Variants in ADGRV1 observed in about 807,000 individuals in gnomAD.
The protein encoded by ADGRV1 is G-protein coupled receptor 98.
ADGRV1 carries 359 observed loss-of-function variants against 596.2 expected under a neutral mutation model. The observed-to-expected ratio is 0.60, with a 90% CI of 0.55 to 0.66. The LOEUF is 0.66. Among genes scored for constraint, ADGRV1 ranks in the 30% least tolerant of loss-of-function variants. The pLI is 0.00. For missense variants in ADGRV1, 7,274 were observed against 7,575.6 expected, an observed-to-expected ratio of 0.96 and a Z score of 1.48; for synonymous variants, 2,681 against 2,679.2, an observed-to-expected ratio of 1.00 and a Z score of -0.02.
rs1480256527 is a variant in ADGRV1, at chr5:90,596,122, C to T, written c.23-18713C>T. 7.4e-5 allele frequency among the ~76,000 whole-genome samples: 11 copies of T among 149,282 alleles called. No homozygotes were observed. In the East Asian group the frequency reaches 8.0e-4, roughly 11 times the overall value. On this transcript the variant is annotated intron_variant, in intron 1 of 89. Transcript: ENST00000405460. ...CTCAACTCCCAGATGGGGTGGCGGC[C>T]GGGCAGAGGCGCTCCTCACATCCCA...
chr5:90,629,555 A>T lies in ADGRV1; in HGVS notation c.1839+16A>T. 1 of 1,542,848 alleles carries T rather than the reference A, an allele frequency of 6.5e-7. No individual in the cohort carries two copies. The highest frequency in any genetic ancestry group is 8.8e-7 in the Non-Finnish European group (1 of 1,132,888). On this transcript the variant is annotated intron_variant, in intron 9 of 89. Coordinates refer to ENST00000405460, the MANE Select transcript of ADGRV1 (RefSeq NM_032119.4). ...TCTAGTACAGGTACTTGTATGATTA[A>T]AATAATCGTAATTTTGGTTAACCTT... is the stretch of plus-strand genomic sequence containing the variant.
At chr5:90,754,092 CTG>C (rs1417318295) in intron 54 of ADGRV1, among the ~76,000 whole-genome samples, 4 of 152,016 alleles carry the variant, frequency 2.6e-5, no homozygotes, top group African/African-American at 7.2e-5. Context: ...GTAGAGGTGA[CTG>C]TTTTTTATTT....
In ADGRV1 at chr5:90,694,663, A is replaced by G. The variant is rs770468449; in HGVS notation, c.7907A>G (p.Asp2636Gly). Residue 2636 changes from aspartate (D) to glycine (G), a missense_variant, in exon 33 of 90, where the codon GAT (aspartate) becomes GGT (glycine). Transcript: ENST00000405460. ...VVGGTATEGL[D>G]FIGAGEILTF... Reference sequence around the variant, plus strand: ...GGTGGAACAGCTACTGAAGGTTTAGATTTTATAGGTGCTGGAGAGATTCTG... The same window carrying G: ...GGTGGAACAGCTACTGAAGGTTTAGGTTTTATAGGTGCTGGAGAGATTCTG... 3.1e-6 allele frequency: 5 copies of G among 1,609,116 alleles called. No homozygotes were observed. In the African/African-American group the frequency reaches 6.7e-5, roughly 22 times the overall value.
At chr5:90,782,221 A>G (rs887694028) in intron 65 of ADGRV1, among the ~76,000 whole-genome samples, 1 of 152,166 alleles carries the variant, frequency 6.6e-6, no homozygotes, top group African/African-American at 2.4e-5. Context: ...GCCTCTATCA[A>G]AATTCTTTGG....
At chr5:90,713,605 A>G (rs1272642470) in intron 42 of ADGRV1, among the ~76,000 whole-genome samples, 1 of 152,178 alleles carries the variant, frequency 6.6e-6, no homozygotes, top group African/African-American at 2.4e-5. Context: ...TAATGCTGCC[A>G]GAGATCCTGA....
At chr5:90,634,548 T>A (rs1457362783) in intron 9 of ADGRV1, among the ~76,000 whole-genome samples, 2 of 152,200 alleles carry the variant, frequency 1.3e-5, no homozygotes, top group African/African-American at 4.8e-5. Flanking sequence ...AGTCTTCTGA[T>A]ACTGGATTTT....
At chr5:90,898,032 G>A (rs1344747355) in intron 83 of ADGRV1, among the ~76,000 whole-genome samples, 1 of 152,150 alleles carries the variant, frequency 6.6e-6, no homozygotes, top group African/African-American at 2.4e-5. Flanking sequence ...GTAAGATAGA[G>A]GTTTTCTAAT....
In ADGRV1 at chr5:90,651,737, A is replaced by G. The variant is rs770255299; in HGVS notation, c.3416+7A>G. On this transcript the variant is annotated splice_region_variant and intron_variant, in intron 18 of 89. Coordinates refer to ENST00000405460, the MANE Select transcript of ADGRV1 (RefSeq NM_032119.4). Reference sequence around the variant, plus strand: ...GAAAGACTAATGCATTTTGGTAAGCATATGTAGATAAGGCAAGTTTAAAAT... The same window carrying G: ...GAAAGACTAATGCATTTTGGTAAGCGTATGTAGATAAGGCAAGTTTAAAAT... The G allele has an allele frequency of 2.5e-6, 4 of 1,579,998 alleles. No homozygotes were observed. Among genetic ancestry groups the G allele is most frequent in the Non-Finnish European group, 3.5e-6 (4 of 1,151,680 alleles).
chr5:90,676,650 A>G (rs1355587232), intron 25 of ADGRV1: 4 of 156,414 alleles, frequency 2.6e-5, no homozygotes, highest in African/African-American at 9.7e-5. Context: ...TCTAGAAGAG[A>G]CGTGCTTTTA....
intron 86 of ADGRV1, among the ~76,000 whole-genome samples, chr5:91,100,571 A>G (rs928209156): frequency 6.6e-6 from 1 of 152,210 alleles, no homozygotes; most frequent in Non-Finnish European, 1.5e-5. Flanking sequence ...ATAAGCAGGA[A>G]TATATTAGTC....
In ADGRV1 at chr5:90,692,627, A is replaced by T. The variant is rs764875117; in HGVS notation, c.6974A>T (p.Asp2325Val). Residue 2325 changes from aspartate (D) to valine (V), a missense_variant, in exon 32 of 90, where the codon GAT (aspartate) becomes GTT (valine). Asp to Val is a radical substitution (Grantham distance 152, BLOSUM62 -3). Transcript: ENST00000405460. ...IEEVIQVQLT[D>V]ASGGGTIGLD... ...TAGGTTATCCAAGTGCAACTAACTG[A>T]TGCCTCTGGTGGAGGTACTATTGGG... 1 of 1,610,010 alleles carries T rather than the reference A, an allele frequency of 6.2e-7. No individual in the cohort carries two copies. The highest frequency in any genetic ancestry group is 1.1e-5 in the South Asian group (1 of 90,066).
chr5:90,737,321 A>T (rs1315159724), intron 50 of ADGRV1, among the ~76,000 whole-genome samples: 1 of 151,978 alleles, frequency 6.6e-6, no homozygotes, highest in African/African-American at 2.4e-5. Context: ...AGTGCTCTTA[A>T]ATTTGTTAAG....
At chr5:90,961,821 A>G (rs1010468848) in intron 83 of ADGRV1, among the ~76,000 whole-genome samples, 4 of 152,138 alleles carry the variant, frequency 2.6e-5, no homozygotes, top group Non-Finnish European at 4.4e-5. Flanking sequence ...TGGGGGAACT[A>G]TATTTATTTT....
chr5:90,712,886 C>A (rs1749566182), intron 42 of ADGRV1, among the ~76,000 whole-genome samples: 1 of 152,052 alleles, frequency 6.6e-6, no homozygotes, highest in African/African-American at 2.4e-5. Context: ...ACTGATACTT[C>A]AGACAGATTA....
At chr5:90,720,019 G>C (rs746600621) in intron 43 of ADGRV1, 29 bp from the exon 44 acceptor site, 1 of 1,587,944 alleles carries the variant, frequency 6.3e-7, no homozygotes, top group South Asian at 1.1e-5. Flanking sequence ...CTGTATTCTA[G>C]TAACCTTATC....
At chr5:90,978,249 C>T (rs920953475) in intron 84 of ADGRV1, among the ~76,000 whole-genome samples, 3 of 151,850 alleles carry the variant, frequency 2.0e-5, no homozygotes, top group Non-Finnish European at 2.9e-5. Context: ...GAGCCGAGAT[C>T]GCGCCACTAC....
chr5:90,646,819 G>C (rs1767857870), intron 16 of ADGRV1, among the ~76,000 whole-genome samples: 1 of 149,378 alleles, frequency 6.7e-6, no homozygotes, highest in Non-Finnish European at 1.5e-5. Context: ...CTGTCACCAG[G>C]CTGGAGTGCA....
chr5:90,753,934 T>C (rs1755550054), intron 54 of ADGRV1, 105 bp downstream of exon 54: 1 of 1,194,724 alleles, frequency 8.4e-7, no homozygotes, highest in Admixed American at 2.9e-5. Flanking sequence ...TATGACTTTT[T>C]CAGTTTGGCA....
At chr5:91,021,979 C>T (rs1185173260) in intron 85 of ADGRV1, among the ~76,000 whole-genome samples, 1 of 151,876 alleles carries the variant, frequency 6.6e-6, no homozygotes, top group Admixed American at 6.6e-5. Context: ...ACCATATTAG[C>T]GTAGTCTTCA....
Sources: allele counts gnomAD v4.1 joint callset (sites outside exome capture counted in the v4.1 genomes callset), GRCh38; gene constraint gnomAD v4.1.1; transcripts MANE v1.5; gene names NCBI Gene and HGNC (gene_info 2026-07-23, HGNC 2026-07-21).